Variants in FNIP2 observed in about 807,000 individuals in gnomAD.
The protein encoded by FNIP2 is folliculin-interacting protein 2.
In FNIP2, 32 loss-of-function variants were observed where a neutral mutation model predicts 108.7. The observed-to-expected ratio is 0.29, with a 90% CI of 0.22 to 0.40. The LOEUF is 0.40. Among genes scored for constraint, FNIP2 ranks in the 10% least tolerant of loss-of-function variants. The pLI, the probability that FNIP2 is intolerant of heterozygous loss-of-function variation, is 1.00. For missense variants in FNIP2, 1,202 were observed against 1,381.6 expected (o/e 0.87, Z 2.06); for synonymous variants, 480 against 496.7 (o/e 0.97, Z 0.45).
chr4:158,838,053 C>T (rs748120403), intron 7 of FNIP2, among the ~76,000 whole-genome samples: 4 of 152,190 alleles, frequency 2.6e-5, no homozygotes, highest in Non-Finnish European at 5.9e-5. Context: ...TCTTTATGTT[C>T]ACACTGTAAT....
intron 1 of FNIP2, among the ~76,000 whole-genome samples, chr4:158,787,197 A>G (rs1776252656): frequency 6.6e-6 from 1 of 152,220 alleles, no homozygotes; most frequent in African/African-American, 2.4e-5. Context: ...GGCAAATACA[A>G]AGATTTGTTT....
intron 1 of FNIP2, among the ~76,000 whole-genome samples, chr4:158,770,880 G>A (rs1578806508): frequency 6.6e-6 from 1 of 152,298 alleles, no homozygotes. Flanking sequence ...TTTGAATGCA[G>A]GAGGAGATAG....
chr4:158,835,060 G>A (rs544949871), intron 6 of FNIP2: 1 of 161,956 alleles, frequency 6.2e-6, no homozygotes, highest in Admixed American at 6.2e-5. Context: ...TACTAATGAG[G>A]AAAATGGCTA....
chr4:158,862,794 G>GAAT (rs1560810765), intron 12 of FNIP2, among the ~76,000 whole-genome samples: 1 of 152,102 alleles, frequency 6.6e-6, no homozygotes, highest in African/African-American at 2.4e-5. Flanking sequence ...TTTTGTTATG[G>GAAT]AATAATAATA....
Position 158,868,107 on chromosome 4 carries a change from C to G in FNIP2, c.1471C>G (p.Leu491Val). The G allele has an allele frequency of 6.2e-7, 1 of 1,613,296 alleles. No homozygotes were observed. Among genetic ancestry groups the G allele is most frequent in the Non-Finnish European group, 8.5e-7 (1 of 1,179,372 alleles). ...YNPLWAQLGD[L>V]YGAIGSPVRL... Reference sequence around the variant, plus strand: ...TGTCCACCTTTGCTCTCTAGGTGATCTTTACGGAGCCATAGGCTCTCCAGT... The same window carrying G: ...TGTCCACCTTTGCTCTCTAGGTGATGTTTACGGAGCCATAGGCTCTCCAGT... Residue 491 changes from leucine (L) to valine (V), a missense_variant, in exon 13 of 17, where the codon CTT becomes GTT. Around this residue, in one of 5 missense-constraint regions of FNIP2, gnomAD observed 878 missense variants for 990.3 expected, o/e 0.89. Coordinates refer to ENST00000264433, the MANE Select transcript of FNIP2 (RefSeq NM_020840.3). This position sits in a 1 kb window ranked among gnomAD's most constrained non-coding sequence, Gnocchi z 4.6.
At chr4:158,904,366 T>A in intron 16 of FNIP2, 100 bp from the exon 17 acceptor site, 1 of 1,056,146 alleles carries the variant, frequency 9.5e-7, no homozygotes, top group Non-Finnish European at 1.4e-6. Flanking sequence ...TCTATCAAAC[T>A]TAGTACCTAG....
chr4:158,792,106 TACAC>T (rs144281641), intron 1 of FNIP2, among the ~76,000 whole-genome samples: 4 of 151,010 alleles, frequency 2.6e-5, no homozygotes, highest in African/African-American at 7.3e-5. Context: ...GCTGTCTCAA[TACAC>T]ACACACACAC....
intron 1 of FNIP2, among the ~76,000 whole-genome samples, chr4:158,815,762 T>G (rs1399321268): frequency 6.6e-6 from 1 of 152,208 alleles, no homozygotes; most frequent in Non-Finnish European, 1.5e-5. Context: ...CCCAGAGTTC[T>G]TTACCTCCAA....
chr4:158,800,678 G>A (rs550230958), intron 1 of FNIP2, among the ~76,000 whole-genome samples: 87 of 152,164 alleles, frequency 5.7e-4, no homozygotes, highest in African/African-American at 2.0e-3. Flanking sequence ...GCTCAAAAGC[G>A]TTCTGATATT....
At chr4:158,890,271 T>C (rs570995568) in intron 14 of FNIP2, 1 of 984,656 alleles carries the variant, frequency 1.0e-6, no homozygotes, top group Non-Finnish European at 1.2e-6. Flanking sequence ...TTTTAAACCC[T>C]TATATTTTTA....
chr4:158,862,995 C>G (rs1033181563), intron 12 of FNIP2, among the ~76,000 whole-genome samples: 3 of 152,172 alleles, frequency 2.0e-5, no homozygotes, highest in Non-Finnish European at 4.4e-5. Context: ...GCCATTAATT[C>G]CCTATGTTCA....
chr4:158,829,321 C>T, intron 3 of FNIP2, 96 bp downstream of exon 3: 1 of 1,104,148 alleles, frequency 9.1e-7, no homozygotes, highest in Non-Finnish European at 1.3e-6. Context: ...GGCTCTACTC[C>T]AGGAATATGA....
chr4:158,830,835 G>A (rs1440807709), intron 3 of FNIP2, among the ~76,000 whole-genome samples: 3 of 152,162 alleles, frequency 2.0e-5, no homozygotes, highest in African/African-American at 4.8e-5. Context: ...GTTCATCATT[G>A]TGTCACTAGC....
intron 14 of FNIP2, among the ~76,000 whole-genome samples, chr4:158,880,969 A>G (rs1433964235): frequency 6.6e-6 from 1 of 152,216 alleles, no homozygotes; most frequent in African/African-American, 2.4e-5. Context: ...AGCTCTTTGC[A>G]TGACTGACTA....
intron 1 of FNIP2, among the ~76,000 whole-genome samples, chr4:158,770,997 A>C (rs1191354155): frequency 2.0e-5 from 3 of 152,168 alleles, no homozygotes; most frequent in Non-Finnish European, 4.4e-5. Context: ...AAATATGGCT[A>C]TATTTAGGGT....
chr4:158,878,468 G>A (rs1342621296), intron 14 of FNIP2, among the ~76,000 whole-genome samples: 1 of 152,130 alleles, frequency 6.6e-6, no homozygotes, highest in African/African-American at 2.4e-5. Context: ...CTATTTGTGG[G>A]TTTCAGGTCC....
chr4:158,874,461 C>T (rs930485607), intron 14 of FNIP2, among the ~76,000 whole-genome samples: 2 of 120,942 alleles, frequency 1.7e-5, no homozygotes, highest in Admixed American at 1.1e-4. Flanking sequence ...TTGAGATCAC[C>T]CTGGGCAATA....
At chr4:158,847,344 C>T (rs1273201043) in intron 7 of FNIP2, among the ~76,000 whole-genome samples, 1 of 152,150 alleles carries the variant, frequency 6.6e-6, no homozygotes, top group Non-Finnish European at 1.5e-5. Context: ...GGAGAGACTC[C>T]TTTCTTCCAC....
chr4:158,841,049 G>A (rs1779104198), intron 7 of FNIP2, among the ~76,000 whole-genome samples: 2 of 152,164 alleles, frequency 1.3e-5, no homozygotes, highest in Non-Finnish European at 2.9e-5. Flanking sequence ...GATACAGGAT[G>A]TATAACCATC....
Sources: allele counts gnomAD v4.1 joint callset (sites outside exome capture counted in the v4.1 genomes callset), GRCh38; gene constraint gnomAD v4.1.1; regional missense constraint gnomAD v4.1.1; non-coding constraint Gnocchi (gnomAD v3.1); transcripts MANE v1.5; gene names NCBI Gene and HGNC (gene_info 2026-07-23, HGNC 2026-07-21).